The following SLC10A1 variants were observed in gnomAD, a reference collection of about 807,000 sequenced individuals.
SLC10A1 encodes the protein solute carrier family 10 member 1, also known as hepatic sodium/bile acid cotransporter.
A neutral mutation model predicts 20.5 loss-of-function variants in SLC10A1; 36 were observed. The ratio of observed to expected loss-of-function variants is 1.75; its 90% CI spans 1.34 to 2.32. SLC10A1 has a LOEUF of 2.32. Ranked by LOEUF, SLC10A1 falls within the 30% of genes most tolerant of loss-of-function variation. SLC10A1 has a pLI of 0.00. For missense variants in SLC10A1, 545 were observed against 439.1 expected (o/e 1.24, Z -2.16); for synonymous variants, 188 against 163.6 (o/e 1.15, Z -1.14).
Position 69,778,015 on chromosome 14 carries a change from A to G in SLC10A1, c.943+318T>C, listed in dbSNP as rs546771004. Among the ~76,000 whole-genome samples, 18 of 152,228 alleles carry G rather than the reference A, an allele frequency of 1.2e-4. 1 individual carries two copies. The highest frequency in any genetic ancestry group is 2.5e-4 in the Non-Finnish European group (17 of 68,028). ...AATAGAGGCCTTTCACACAACTAAT[A>G]ACCTCAGTTGTCCAAGGCAGTTTTG... On this transcript the variant is annotated intron_variant, in intron 4 of 4. Coordinates refer to ENST00000216540, the MANE Select transcript of SLC10A1 (RefSeq NM_003049.4).
At chr14:69,776,461 G>T (rs1883449751) in intron 4 of SLC10A1, 73 bp from the exon 5 acceptor site, 2 of 1,233,264 alleles carry the variant, frequency 1.6e-6, no homozygotes, top group Non-Finnish European at 2.4e-6. Context: ...GTTTAATCTG[G>T]AAAGTACAAA....
intron 4 of SLC10A1, among the ~76,000 whole-genome samples, chr14:69,777,320 A>C (rs1883468161): frequency 6.6e-6 from 1 of 152,164 alleles, no homozygotes; most frequent in South Asian, 2.1e-4. Flanking sequence ...TTGGCAACCT[A>C]ATTACATCTT....
At chr14:69,796,075 CCT>C (rs1882381248) in intron 1 of SLC10A1, among the ~76,000 whole-genome samples, 1 of 152,198 alleles carries the variant, frequency 6.6e-6, no homozygotes, top group Admixed American at 6.5e-5. Context: ...TCAACCAGCC[CCT>C]GTGTGCTGCG....
intron 2 of SLC10A1, among the ~76,000 whole-genome samples, chr14:69,779,880 A>G (rs1025578151): frequency 6.6e-6 from 1 of 152,182 alleles, no homozygotes; most frequent in Non-Finnish European, 1.5e-5. Context: ...ACATTCCTAC[A>G]ATACTGTCAT....
In SLC10A1 at chr14:69,779,270, G is replaced by T; in HGVS notation, c.658C>A (p.Pro220Thr). 6.2e-7 allele frequency: 1 copy of T among 1,613,954 alleles called. No individual in the cohort carries two copies. ...AGGGAGGAGGTGGCAATCAAGAGTG[G>T]TGTCATGGCAAACATGATGCTCTTC... ...VGKSIMFAMTPLLIATSSLMP... is the reference protein window; with the variant it reads ...VGKSIMFAMTTLLIATSSLMP... Residue 220 changes from proline (P) to threonine (T), a missense_variant, in exon 3 of 5, where the codon CCA becomes ACA. Pro to Thr is a conservative substitution (Grantham distance 38, BLOSUM62 -1). Coordinates refer to ENST00000216540, the MANE Select transcript of SLC10A1 (RefSeq NM_003049.4).
intron 1 of SLC10A1, 79 bp downstream of exon 1, chr14:69,796,721 G>A: frequency 1.6e-6 from 2 of 1,231,288 alleles, no homozygotes; most frequent in Non-Finnish European, 2.3e-6. Flanking sequence ...CCTGGCTTTA[G>A]CCCAGCTCTT....
chr14:69,793,570 AAC>A (rs2139722670), intron 1 of SLC10A1, among the ~76,000 whole-genome samples: 1 of 152,264 alleles, frequency 6.6e-6, no homozygotes, highest in South Asian at 2.1e-4. Flanking sequence ...GAGGGGCCTC[AAC>A]ACAGTCTCTA....
chr14:69,790,051 T>TTTAA (rs1039395164), intron 1 of SLC10A1, among the ~76,000 whole-genome samples: 7 of 152,038 alleles, frequency 4.6e-5, no homozygotes, highest in African/African-American at 1.7e-4. Flanking sequence ...AAATGAAGAT[T>TTTAA]TTAAAAAGTC....
chr14:69,780,341 G>A lies in SLC10A1; in HGVS notation c.568-981C>T, dbSNP rs1566635273. On this transcript the variant is annotated intron_variant, in intron 2 of 4. Coordinates refer to ENST00000216540, the MANE Select transcript of SLC10A1 (RefSeq NM_003049.4). ...CCTCCAAAATGATAAACAGGTATGT[G>A]TAAATTTAAGACTGTCCCTTTTATC... Among the ~76,000 whole-genome samples the A allele has an allele frequency of 4.6e-5, 7 of 152,176 alleles. No homozygotes were observed. The South Asian group carries it at 1.5e-3, about 32-fold the overall frequency.
chr14:69,797,001 T>G lies in SLC10A1; in HGVS notation c.155A>C (p.Lys52Thr). The G allele has an allele frequency of 6.2e-7, 1 of 1,614,234 alleles. No individual in the cohort carries two copies. The highest frequency in any genetic ancestry group is 8.5e-7 in the Non-Finnish European group (1 of 1,180,038). ...LGCTMEFSKI[K>T]AHLWKPKGLA... Reference sequence around the variant, plus strand: ...CCCTTTAGGCTTCCATAAGTGAGCCTTGATCTTGCTGAACTCCATGGTGCA... The same window carrying G: ...CCCTTTAGGCTTCCATAAGTGAGCCGTGATCTTGCTGAACTCCATGGTGCA... Residue 52 changes from lysine to threonine, a missense_variant, in exon 1 of 5, where the codon AAG becomes ACG. Transcript: ENST00000216540.
Position 69,797,127 on chromosome 14 carries a change from A to T in SLC10A1, c.29T>A (p.Phe10Tyr). 1 of 1,613,540 alleles carries T rather than the reference A, an allele frequency of 6.2e-7. No homozygotes were observed. The highest frequency in any genetic ancestry group is 8.5e-7 in the Non-Finnish European group (1 of 1,179,824). ...AAAGTTGGGTGGCAGGGTGAAGTTG[A>T]ATGGGGCAGACGCGTTGTGGGCCTC... MEAHNASAP[F>Y]NFTLPPNFGK... Residue 10 changes from phenylalanine (F) to tyrosine (Y), a missense_variant, in exon 1 of 5, where the codon TTC (phenylalanine) becomes TAC (tyrosine). Phe to Tyr is a conservative substitution (Grantham distance 22). Coordinates refer to ENST00000216540, the MANE Select transcript of SLC10A1 (RefSeq NM_003049.4).
At chr14:69,787,927 G>A (rs1883760248) in intron 1 of SLC10A1, among the ~76,000 whole-genome samples, 1 of 152,074 alleles carries the variant, frequency 6.6e-6, no homozygotes. Flanking sequence ...AGGTGTGGTG[G>A]TGTGCACCAG....
Position 69,776,118 on chromosome 14 carries a change from C to T in SLC10A1, c.*164G>A. On this transcript the variant is annotated 3_prime_UTR_variant, in exon 5 of 5. Transcript: ENST00000216540. ...GGATAGGTGAGGCTTCTTGGGTAGA[C>T]ACCCTGTCTGTGTTCCCGGCCAAGA... is the stretch of plus-strand genomic sequence containing the variant. The T allele has an allele frequency of 5.0e-6, 3 of 599,692 alleles. No individual in the cohort carries two copies. The highest frequency in any genetic ancestry group is 8.9e-6 in the Non-Finnish European group (3 of 337,366). The allele number at this position is 599,692 out of a possible 1,614,324, so 37.1% of individuals were successfully genotyped here.
rs1181415990 is a variant in SLC10A1, at chr14:69,796,934, G to A, written c.222C>T (p.Leu74=). The A allele has an allele frequency of 6.2e-7, 1 of 1,614,224 alleles. No homozygotes were observed. The highest frequency in any genetic ancestry group is 1.7e-5 in the Admixed American group (1 of 60,036). ...ALVAQYGIMP[L]TAFVLGKVFR... is the part of the protein sequence containing the mutation. ...AGACCTTGCCCAGCACAAAGGCCGT[G>A]AGGGGCATGATGCCATACTGTGCCA... Residue 74 remains leucine (L), a synonymous_variant, in exon 1 of 5, where the codon CTC becomes CTT. Coordinates refer to ENST00000216540, the MANE Select transcript of SLC10A1 (RefSeq NM_003049.4).
rs113335157 is a variant in SLC10A1 at position 69,776,522 on chromosome 14, C to T, written c.944-134G>A. The T allele has an allele frequency of 4.5e-5, 30 of 668,248 alleles. 1 individual carries two copies. The highest frequency in any genetic ancestry group is 2.2e-4 in the African/African-American group (12 of 54,894). The allele number at this position is 668,248 out of a possible 1,614,324, so 41.4% of individuals were successfully genotyped here. On this transcript the variant is annotated intron_variant, in intron 4 of 4. Transcript: ENST00000216540. Reference sequence around the variant, plus strand: ...CTAAGTATATATTTTCCATCTCTGTCGTCTCTCCCATGGTTTACTCTTTAA... The same window carrying T: ...CTAAGTATATATTTTCCATCTCTGTTGTCTCTCCCATGGTTTACTCTTTAA...
At chr14:69,791,295 G>A (rs1883832890) in intron 1 of SLC10A1, among the ~76,000 whole-genome samples, 1 of 151,864 alleles carries the variant, frequency 6.6e-6, no homozygotes, top group Admixed American at 6.6e-5. Flanking sequence ...GCTAAGAATA[G>A]CTAACATGAT....
In SLC10A1 at chr14:69,775,504, G is replaced by T. The variant is rs572698766; in HGVS notation, c.*778C>A. On this transcript the variant is annotated 3_prime_UTR_variant, in exon 5 of 5. Transcript: ENST00000216540. ...AACATTTTTCTTTGAATTGGGAAAC[G>T]ACTCATTTTGGCAGTAGTTTGCTGT... 1 of 152,134 alleles carries T rather than the reference G, an allele frequency of 6.6e-6. No homozygotes were observed. The highest frequency in any genetic ancestry group is 1.5e-5 in the Non-Finnish European group (1 of 68,020). 9.4% of individuals were successfully genotyped at this position (152,134 alleles called of 1,614,324 possible).
intron 2 of SLC10A1, among the ~76,000 whole-genome samples, 177 bp downstream of exon 2, chr14:69,785,920 T>G (rs1209487924): frequency 1.3e-5 from 2 of 152,054 alleles, no homozygotes; most frequent in Non-Finnish European, 2.9e-5. Flanking sequence ...ATGTGTTACT[T>G]CACTTTCTGC....
chr14:69,785,146 A>G (rs1310580900), intron 2 of SLC10A1, among the ~76,000 whole-genome samples: 2 of 152,090 alleles, frequency 1.3e-5, no homozygotes, highest in Non-Finnish European at 2.9e-5. Context: ...CTGGGGGATG[A>G]ATAGTGAGCC....
Sources: allele counts gnomAD v4.1 joint callset (sites outside exome capture counted in the v4.1 genomes callset), GRCh38; gene constraint gnomAD v4.1.1; transcripts MANE v1.5; gene names NCBI Gene and HGNC (gene_info 2026-07-23, HGNC 2026-07-21).